The following CTNNA2 variants were observed in gnomAD, a reference collection of about 807,000 sequenced individuals.
The protein encoded by CTNNA2 is catenin alpha-2.
A neutral mutation model predicts 101.0 loss-of-function variants in CTNNA2; 42 were observed. The observed-to-expected ratio is 0.42, with a 90% CI of 0.32 to 0.54. The LOEUF is 0.54. Among genes scored for constraint, CTNNA2 ranks in the 20% least tolerant of loss-of-function variants. The probability of loss-of-function intolerance (pLI) is 0.14; values close to 1 mark genes in which losing one functional copy is unlikely to be tolerated. For missense variants in CTNNA2, 871 were observed against 1,223.1 expected (o/e 0.71, Z 4.29); for synonymous variants, 450 against 456.4 (o/e 0.99, Z 0.18).
chr2:80,073,730 T>TCA (rs3067109), intron 7 of CTNNA2, among the ~76,000 whole-genome samples: 21,265 of 130,330 alleles, frequency 0.16, 1,737 homozygotes, highest in Non-Finnish European at 0.2. Flanking sequence ...TCTCTCTCTG[T>TCA]CACACACACA....
At chr2:79,601,657 G>C (rs1478119039) in intron 1 of CTNNA2, among the ~76,000 whole-genome samples, 1 of 152,232 alleles carries the variant, frequency 6.6e-6, no homozygotes, top group African/African-American at 2.4e-5. Context: ...CATTGCTTAA[G>C]AAAGCAAACG....
At chr2:80,346,412 T>C (rs1222047841) in intron 7 of CTNNA2, among the ~76,000 whole-genome samples, 1 of 152,142 alleles carries the variant, frequency 6.6e-6, no homozygotes, top group Non-Finnish European at 1.5e-5. Flanking sequence ...CCAGATCTTG[T>C]GTGAACTCAG....
At chr2:80,434,485 CTTTTTTTTT>C (rs1169944635) in intron 9 of CTNNA2, among the ~76,000 whole-genome samples, 4 of 89,962 alleles carry the variant, frequency 4.4e-5, no homozygotes, top group African/African-American at 2.0e-4. Flanking sequence ...TTCTGTGTCT[CTTTTTTTTT>C]TTTTTTTTTT....
chr2:80,344,122 G>A (rs1409731464), intron 7 of CTNNA2, among the ~76,000 whole-genome samples: 1 of 152,054 alleles, frequency 6.6e-6, no homozygotes, highest in East Asian at 1.9e-4. Flanking sequence ...CTCACTATCA[G>A]CAGCTTGGGC....
intron 7 of CTNNA2, among the ~76,000 whole-genome samples, chr2:79,962,469 G>A (rs1041520584): frequency 6.6e-6 from 1 of 152,172 alleles, no homozygotes; most frequent in Non-Finnish European, 1.5e-5. Flanking sequence ...GACCATAGCA[G>A]GTGCATTTAT....
intron 18 of CTNNA2, 41 bp from the exon 19 acceptor site, chr2:80,647,544 C>T (rs1573563978): frequency 2.7e-6 from 4 of 1,484,216 alleles, no homozygotes; most frequent in Non-Finnish European, 3.6e-6. Flanking sequence ...AATTTGGGGC[C>T]TCCATTAACC....
At chr2:79,517,024 G>A (rs146748727) in intron 1 of CTNNA2, among the ~76,000 whole-genome samples, 194 of 152,156 alleles carry the variant, frequency 1.3e-3, no homozygotes, top group African/African-American at 4.6e-3. Flanking sequence ...ATTCTAAATG[G>A]ATGGTGCTCT....
chr2:80,008,351 G>A (rs540861289), intron 7 of CTNNA2, among the ~76,000 whole-genome samples: 3 of 152,292 alleles, frequency 2.0e-5, no homozygotes, highest in South Asian at 2.1e-4. Context: ...CTGTGGTGAG[G>A]AGTAATGAGT....
intron 7 of CTNNA2, among the ~76,000 whole-genome samples, chr2:80,232,341 GTTTGTTTTTTTTTTTTTTT>G (rs1459842207): frequency 0.019 from 1,544 of 82,060 alleles, 88 homozygotes; most frequent in African/African-American, 0.047. Flanking sequence ...TTGTTTGTTT[GTTTGTTTTTTTTTTTTTTT>G]TTTTTTTTTT....
At chr2:79,586,530 T>TTC (rs576683181) in intron 1 of CTNNA2, among the ~76,000 whole-genome samples, 4,340 of 151,688 alleles carry the variant, frequency 0.029, 76 homozygotes, top group African/African-American at 0.034. Context: ...TTCTTTTCTT[T>TTC]TTTTTTAGCA....
At chr2:79,860,896 A>G (rs1394958787) in intron 4 of CTNNA2, among the ~76,000 whole-genome samples, 1 of 152,202 alleles carries the variant, frequency 6.6e-6, no homozygotes, top group African/African-American at 2.4e-5. Context: ...GCGCAGAAGC[A>G]TATCTTCTCA....
intron 4 of CTNNA2, among the ~76,000 whole-genome samples, chr2:79,393,260 CAT>C (rs1157369755): frequency 1.3e-5 from 2 of 152,148 alleles, no homozygotes; most frequent in African/African-American, 4.8e-5. Context: ...CAAAAAGCAC[CAT>C]GGATTTACAT....
intron 4 of CTNNA2, among the ~76,000 whole-genome samples, chr2:79,406,954 C>A (rs1313642815): frequency 6.6e-6 from 1 of 151,974 alleles, no homozygotes; most frequent in East Asian, 1.9e-4. Context: ...GCAAGGTAAC[C>A]ACTCTGAGCT....
intron 7 of CTNNA2, among the ~76,000 whole-genome samples, chr2:80,020,602 C>A (rs1421679794): frequency 1.3e-5 from 2 of 152,100 alleles, no homozygotes; most frequent in Non-Finnish European, 2.9e-5. Context: ...GTCATGTACA[C>A]CATTCTAGTT....
At chr2:80,565,422 C>T (rs981166332) in intron 12 of CTNNA2, among the ~76,000 whole-genome samples, 2 of 152,068 alleles carry the variant, frequency 1.3e-5, no homozygotes, top group African/African-American at 4.8e-5. Flanking sequence ...GAGAGAAGGG[C>T]ATAGAACTGG....
chr2:79,737,898 C>G (rs540223411), intron 2 of CTNNA2, among the ~76,000 whole-genome samples: 97 of 152,244 alleles, frequency 6.4e-4, no homozygotes, highest in African/African-American at 2.2e-3. Flanking sequence ...GCCCTATTGC[C>G]TATTATTTTG....
chr2:80,589,207 G>T, intron 14 of CTNNA2, 97 bp from the exon 15 acceptor site: 1 of 1,246,252 alleles, frequency 8.0e-7, no homozygotes, highest in Non-Finnish European at 1.1e-6. Context: ...ATAAGCCTTT[G>T]CAGGGTCTGG....
intron 1 of CTNNA2, among the ~76,000 whole-genome samples, chr2:79,557,154 T>A (rs923319171): frequency 2.0e-5 from 3 of 152,064 alleles, no homozygotes; most frequent in Non-Finnish European, 1.5e-5. Context: ...GTCAGTTTTT[T>A]GTTTATTATT....
At chr2:79,580,358 C>T (rs1241046267) in intron 1 of CTNNA2, among the ~76,000 whole-genome samples, 2 of 152,100 alleles carry the variant, frequency 1.3e-5, no homozygotes, top group African/African-American at 2.4e-5. Context: ...AAGGGCTGTG[C>T]GCCAAAGAAT....
Sources: allele counts gnomAD v4.1 joint callset (sites outside exome capture counted in the v4.1 genomes callset), GRCh38; gene constraint gnomAD v4.1.1; transcripts MANE v1.5; gene names NCBI Gene and HGNC (gene_info 2026-07-23, HGNC 2026-07-21).